The following ROBO2 variants were observed in gnomAD, a reference collection of about 807,000 sequenced individuals.
ROBO2 encodes roundabout guidance receptor 2.
Under a neutral mutation model 160.8 loss-of-function variants are expected in ROBO2, and 53 were observed. The ratio of observed to expected loss-of-function variants is 0.33; its 90% CI spans 0.26 to 0.41. ROBO2 has a LOEUF of 0.41. Ranked by LOEUF, ROBO2 falls within the 10% of genes least tolerant of loss-of-function variation. The pLI is 1.00. For synonymous variants in ROBO2, 664 were observed against 611.7 expected (o/e 1.09, Z -1.26); for missense variants, 1,577 against 1,722.4 (o/e 0.92, Z 1.49).
At chr3:77,227,876 A>G (rs567778176) in intron 2 of ROBO2, among the ~76,000 whole-genome samples, 1 of 152,366 alleles carries the variant, frequency 6.6e-6, no homozygotes, top group South Asian at 2.1e-4. Flanking sequence ...GATTTATTTT[A>G]TGACGCTATT....
At chr3:76,377,230 A>T (rs972966492) in intron 2 of ROBO2, among the ~76,000 whole-genome samples, 1 of 152,154 alleles carries the variant, frequency 6.6e-6, no homozygotes, top group Non-Finnish European at 1.5e-5. Context: ...AGATCTTCTG[A>T]ATACCTGTTT....
intron 2 of ROBO2, among the ~76,000 whole-genome samples, chr3:76,798,750 A>C (rs2063966841): frequency 6.6e-6 from 1 of 152,054 alleles, no homozygotes; most frequent in Admixed American, 6.6e-5. Context: ...AAAAGTAGCT[A>C]GGCATGGTGG....
intron 2 of ROBO2, among the ~76,000 whole-genome samples, chr3:76,503,669 ATTATG>A (rs891972599): frequency 6.6e-6 from 1 of 152,338 alleles, no homozygotes; most frequent in Non-Finnish European, 1.5e-5. Flanking sequence ...CCTGGAACAT[ATTATG>A]TTAAGTGAAA....
At chr3:76,448,275 GT>G (rs1417819682) in intron 2 of ROBO2, among the ~76,000 whole-genome samples, 1 of 152,030 alleles carries the variant, frequency 6.6e-6, no homozygotes, top group East Asian at 1.9e-4. Flanking sequence ...TACATAATGA[GT>G]TTGTCTTGAG....
intron 4 of ROBO2, among the ~76,000 whole-genome samples, chr3:77,487,573 G>A (rs2085523433): frequency 6.6e-6 from 1 of 152,090 alleles, no homozygotes; most frequent in African/African-American, 2.4e-5. Context: ...GGAAGGGCAT[G>A]ACAATTCACA....
chr3:76,975,033 C>A lies in ROBO2; in HGVS notation c.110-122981C>A, dbSNP rs536382696. On this transcript the variant is annotated intron_variant, in intron 2 of 26. Transcript: ENST00000487694. The stretch of plus-strand genomic sequence containing the variant: ...AGAAGATACTAGGAATGCAGACATG[C>A]TTTAATATGAATTTGTATCTTATGT... Among the ~76,000 whole-genome samples the A allele has an allele frequency of 3.4e-4, 52 of 152,178 alleles. No homozygotes were observed. The South Asian group carries it at 3.7e-3, about 11-fold the overall frequency.
chr3:76,272,969 TA>T (rs1159063978), intron 2 of ROBO2, among the ~76,000 whole-genome samples: 2 of 77,154 alleles, frequency 2.6e-5, no homozygotes, highest in East Asian at 3.5e-4. Flanking sequence ...TATTTATATA[TA>T]AAATATATAT....
chr3:77,256,289 T>G (rs2058407999), intron 2 of ROBO2, among the ~76,000 whole-genome samples: 1 of 152,232 alleles, frequency 6.6e-6, no homozygotes, highest in Non-Finnish European at 1.5e-5. Context: ...ACATCAGTAC[T>G]TAAGTGTAGT....
At chr3:77,578,483 G>A (rs2093826606) in intron 15 of ROBO2, among the ~76,000 whole-genome samples, 1 of 151,912 alleles carries the variant, frequency 6.6e-6, no homozygotes, top group South Asian at 2.1e-4. Flanking sequence ...TTCAGAGTTG[G>A]TATTTAATAT....
intron 2 of ROBO2, among the ~76,000 whole-genome samples, chr3:75,939,967 C>T (rs1413421588): frequency 6.6e-6 from 1 of 151,920 alleles, no homozygotes; most frequent in East Asian, 1.9e-4. Context: ...CCGCAATGTC[C>T]AAGATTATGA....
At chr3:76,935,110 C>G (rs977878083) in intron 2 of ROBO2, among the ~76,000 whole-genome samples, 2 of 151,994 alleles carry the variant, frequency 1.3e-5, no homozygotes, top group African/African-American at 4.8e-5. Flanking sequence ...TGCCACCACA[C>G]CTGGCTAATT....
chr3:76,334,632 G>A (rs1199930905), intron 2 of ROBO2, among the ~76,000 whole-genome samples: 1 of 151,962 alleles, frequency 6.6e-6, no homozygotes, highest in Non-Finnish European at 1.5e-5. Flanking sequence ...GTATCAATCC[G>A]TGCCCAATGG....
chr3:76,465,071 T>C (rs2078290715), intron 2 of ROBO2, among the ~76,000 whole-genome samples: 1 of 152,138 alleles, frequency 6.6e-6, no homozygotes, highest in Admixed American at 6.6e-5. Context: ...ATGCCTAGAT[T>C]AATGTTTGGC....
Position 77,444,053 on chromosome 3 carries a change from T to C in ROBO2, c.389-33361T>C, listed in dbSNP as rs569443509. Among the ~76,000 whole-genome samples, 6 of 152,334 alleles carry C rather than the reference T, an allele frequency of 3.9e-5. No homozygotes were observed. The South Asian group carries it at 1.0e-3, about 26-fold the overall frequency. On this transcript the variant is annotated intron_variant, in intron 2 of 25. Transcript: ENST00000461745. ...CCTGATTACCTCCCCATTTGTTTCTTATTATCTTTGTCCATGCCTTCATTT... is the reference window on the plus strand; with the variant it reads ...CCTGATTACCTCCCCATTTGTTTCTCATTATCTTTGTCCATGCCTTCATTT...
At chr3:77,187,841 C>A (rs1238439142) in intron 2 of ROBO2, among the ~76,000 whole-genome samples, 1 of 151,672 alleles carries the variant, frequency 6.6e-6, no homozygotes, top group Non-Finnish European at 1.5e-5. Flanking sequence ...CATCATAGAC[C>A]ATTGAAATAA....
At position 76,856,248 on chromosome 3, in the gene ROBO2, A is replaced by C. The variant is rs1350735462; in HGVS notation, c.110-241766A>C. ...CAGCAAAAATAATTTTGCATTATTTACAACCTGCCTTTAGATCGATCCTTT... is the reference window on the plus strand; with the variant it reads ...CAGCAAAAATAATTTTGCATTATTTCCAACCTGCCTTTAGATCGATCCTTT... On this transcript the variant is annotated intron_variant, in intron 2 of 26. Transcript: ENST00000487694. Among the ~76,000 whole-genome samples the C allele has an allele frequency of 2.0e-5, 3 of 152,352 alleles. No homozygotes were observed. The East Asian group carries it at 5.8e-4, about 29-fold the overall frequency.
In ROBO2 at chr3:76,398,331, G is replaced by C. The variant is rs562286156; in HGVS notation, c.109+460729G>C. On this transcript the variant is annotated intron_variant, in intron 2 of 26. Coordinates refer to the ROBO2 transcript ENST00000487694. Reference sequence around the variant, plus strand: ...CACACTCTGGGGACTGTTGTGGGGTGGGGGGAGGAGGGAGGGATAGCATTA... The same window carrying C: ...CACACTCTGGGGACTGTTGTGGGGTCGGGGGAGGAGGGAGGGATAGCATTA... Among the ~76,000 whole-genome samples, 6 of 102,138 alleles carry C rather than the reference G, an allele frequency of 5.9e-5. No homozygotes were observed. The South Asian group carries it at 1.0e-3, about 17-fold the overall frequency. The allele number at this position is 102,138 out of a possible 152,430, so 67.0% of individuals were successfully genotyped here.
intron 2 of ROBO2, among the ~76,000 whole-genome samples, chr3:76,869,340 A>ATCTTTTTTTTTTTTTT (rs1178461363): frequency 9.2e-6 from 1 of 108,140 alleles, no homozygotes. Flanking sequence ...GTAGAAATTG[A>ATCTTTTTTTTTTTTTT]TGTTTTTTTT....
At chr3:77,523,966 G>T (rs1335948012) in intron 6 of ROBO2, among the ~76,000 whole-genome samples, 2 of 151,298 alleles carry the variant, frequency 1.3e-5, no homozygotes, top group Admixed American at 6.6e-5. Flanking sequence ...GGAAAGGTGT[G>T]AGGGATTCTC....
Sources: gnomAD v4.1 joint callset for allele counts (sites outside exome capture counted in the v4.1 genomes callset) on GRCh38, gnomAD v4.1.1 for gene constraint, MANE v1.5 for transcripts, NCBI Gene and HGNC (gene_info 2026-07-23, HGNC 2026-07-21) for gene names.